The following SBNO1 variants were observed in gnomAD, a reference collection of about 807,000 sequenced individuals.
SBNO1 encodes the protein strawberry notch homolog 1.
Under a neutral mutation model 173.6 loss-of-function variants are expected in SBNO1, and 23 were observed. That is an observed-to-expected ratio of 0.13 (90% CI 0.10 to 0.19). The LOEUF is 0.19. Ranked by LOEUF, SBNO1 falls within the 10% of genes least tolerant of loss-of-function variation. SBNO1 has a pLI of 1.00. For missense variants in SBNO1, 1,238 were observed against 1,671.2 expected (o/e 0.74, Z 4.52); for synonymous variants, 632 against 571.5 (o/e 1.11, Z -1.51).
chr12:123,298,233 A>T, intron 30 of SBNO1, 62 bp from the exon 31 acceptor site: 2 of 1,456,006 alleles, frequency 1.4e-6, no homozygotes, highest in Non-Finnish European at 1.9e-6. Flanking sequence ...CACGTTTCTA[A>T]AAGATTTACA....
chr12:123,353,459 C>T (rs985753821), intron 1 of SBNO1, among the ~76,000 whole-genome samples: 9 of 151,852 alleles, frequency 5.9e-5, no homozygotes, highest in Admixed American at 1.3e-4. Context: ...TCAAAATAAA[C>T]GCCAGATTGA....
At chr12:123,312,714 A>G (rs1458063008) in intron 24 of SBNO1, among the ~76,000 whole-genome samples, 2 of 151,478 alleles carry the variant, frequency 1.3e-5, no homozygotes, top group African/African-American at 2.4e-5. Flanking sequence ...CCGTCTCGAA[A>G]AAAAAAAAAA....
At chr12:123,345,184 G>A (rs1348663005) in intron 4 of SBNO1, 74 bp downstream of exon 4, 1 of 1,289,444 alleles carries the variant, frequency 7.8e-7, no homozygotes, top group African/African-American at 1.5e-5. Context: ...AAAAACCCAA[G>A]CAAATCGTTT....
At chr12:123,314,628 C>G (rs1048881143) in intron 23 of SBNO1, among the ~76,000 whole-genome samples, 1 of 151,562 alleles carries the variant, frequency 6.6e-6, no homozygotes, top group Non-Finnish European at 1.5e-5. Context: ...TGCCCAGCCA[C>G]GCCCAACTAA....
At position 123,295,932 on chromosome 12, in the gene SBNO1, GCT is replaced by G; in HGVS notation, c.4156_4157del (p.Ser1386HisfsTer23). On this transcript the variant is annotated frameshift_variant, in exon 32 of 32. Coordinates refer to ENST00000602398, the MANE Select transcript of SBNO1 (RefSeq NM_001167856.3). LOFTEE classifies it high-confidence loss of function. ...KQLWQQHHPQ[S>X]ITNLSNA ...TTCATGCGTTGCTCAAGTTGGTGAT[GCT>G]CTGAGGGTGATGCTGTTGCCATAGC... 1.2e-6 allele frequency: 2 copies of G among 1,612,432 alleles called. No individual in the cohort carries two copies. Among genetic ancestry groups the G allele is most frequent in the South Asian group, 2.2e-5 (2 of 91,040 alleles).
chr12:123,336,793 G>T (rs184239175), intron 5 of SBNO1, among the ~76,000 whole-genome samples: 269 of 152,188 alleles, frequency 1.8e-3, no homozygotes, highest in African/African-American at 6.1e-3. Flanking sequence ...ACCCCTCCTT[G>T]ATGCCCAGAA....
At position 123,293,547 on chromosome 12, in the gene SBNO1, C is replaced by A. The variant is rs1000846416; in HGVS notation, c.*2361G>T. ...GCCTGGGCATGCAGCACCCCAGCTC[C>A]CATCCATTCACACTGGTTGCCTTTG... On this transcript the variant is annotated 3_prime_UTR_variant, in exon 32 of 32. Coordinates refer to ENST00000602398, the MANE Select transcript of SBNO1 (RefSeq NM_001167856.3). The A allele has an allele frequency of 1.3e-5, 2 of 152,096 alleles. No homozygotes were observed. The highest frequency in any genetic ancestry group is 4.8e-5 in the African/African-American group (2 of 41,400). The allele number at this position is 152,096 out of a possible 1,614,324, so 9.4% of individuals were successfully genotyped here. A position where few individuals can be genotyped will look rare whatever the true frequency, so the allele number is the denominator to read the frequency against.
intron 9 of SBNO1, 36 bp from the exon 10 acceptor site, chr12:123,328,931 A>G: frequency 7.7e-7 from 1 of 1,290,646 alleles, no homozygotes. Flanking sequence ...GTTAATTAGT[A>G]TACCTTTCTC....
chr12:123,338,609 C>T (rs896416997), intron 5 of SBNO1, among the ~76,000 whole-genome samples: 9 of 152,128 alleles, frequency 5.9e-5, no homozygotes, highest in African/African-American at 1.7e-4. Context: ...TGCTTGAGCC[C>T]GGGAAGGGGA....
intron 20 of SBNO1, 56 bp downstream of exon 20, chr12:123,319,844 A>C: frequency 4.0e-6 from 6 of 1,504,652 alleles, no homozygotes; most frequent in Non-Finnish European, 5.5e-6. Context: ...TCTAAAGCTT[A>C]ATCTAAATAT....
chr12:123,313,252 A>T (rs577650204), intron 24 of SBNO1, among the ~76,000 whole-genome samples: 40 of 143,936 alleles, frequency 2.8e-4, no homozygotes, highest in South Asian at 1.3e-3. Flanking sequence ...AAATAAATAA[A>T]TAATTTTTAA....
Position 123,350,411 on chromosome 12 carries a change from C to T in SBNO1, c.31G>A (p.Ala11Thr), listed in dbSNP as rs1873737851. 3 of 1,614,070 alleles carry T rather than the reference C, an allele frequency of 1.9e-6. No homozygotes were observed. The highest frequency in any genetic ancestry group is 2.2e-5 in the East Asian group (1 of 44,880). MVEPGQDLLL[A>T]ALSESGISPN... ...CTAATTCCACTCTCACTCAAAGCAG[C>T]AAGCAGTAAATCTTGCCCTGGCTCC... Residue 11 changes from alanine (A) to threonine (T), a missense_variant, in exon 2 of 32, where the codon GCT (alanine) becomes ACT (threonine). By Grantham distance (58) the Ala-to-Thr change is moderately conservative. Around this residue, in one of 14 missense-constraint regions of SBNO1, gnomAD observed 287 missense variants for 274.1 expected, o/e 1.05. Coordinates refer to ENST00000602398, the MANE Select transcript of SBNO1 (RefSeq NM_001167856.3).
At chr12:123,327,267 T>C (rs918311272) in intron 13 of SBNO1, among the ~76,000 whole-genome samples, 159 bp downstream of exon 13, 6 of 152,102 alleles carry the variant, frequency 3.9e-5, no homozygotes, top group African/African-American at 1.4e-4. Flanking sequence ...CGCCTCAGCC[T>C]CCCAAAGTGC....
At position 123,291,224 on chromosome 12, in the gene SBNO1, T is replaced by A. The variant is rs1307915410; in HGVS notation, c.*4684A>T. The A allele has an allele frequency of 1.3e-5, 2 of 152,186 alleles. No homozygotes were observed. The highest frequency in any genetic ancestry group is 2.9e-5 in the Non-Finnish European group (2 of 68,028). 9.4% of individuals were successfully genotyped at this position (152,186 alleles called of 1,614,324 possible). On this transcript the variant is annotated 3_prime_UTR_variant, in exon 32 of 32. Transcript: ENST00000602398. ...GACTTCTTAAATAAACATAGGGAAT[T>A]TGCTGCAGCAGCAGGCCAGAAACCA...
intron 7 of SBNO1, among the ~76,000 whole-genome samples, chr12:123,333,207 G>A (rs891056636): frequency 6.6e-6 from 1 of 152,126 alleles, no homozygotes; most frequent in Non-Finnish European, 1.5e-5. Flanking sequence ...ACAAAATATG[G>A]AGGATAAATG....
chr12:123,332,802 G>C (rs1188038278), intron 7 of SBNO1, among the ~76,000 whole-genome samples: 1 of 151,992 alleles, frequency 6.6e-6, no homozygotes, highest in Non-Finnish European at 1.5e-5. Flanking sequence ...CCTGACCTCA[G>C]GGTGACCCGC....
chr12:123,300,450 G>A (rs2048748889), intron 30 of SBNO1, among the ~76,000 whole-genome samples: 1 of 152,112 alleles, frequency 6.6e-6, no homozygotes, highest in Non-Finnish European at 1.5e-5. Flanking sequence ...GAGGTCAGGA[G>A]ATCAAGACCA....
rs1252134521 is a variant in SBNO1 at position 123,350,586 on chromosome 12, G to T, written c.1-145C>A. 3.8e-5 allele frequency: 26 copies of T among 685,488 alleles called. No homozygotes were observed. In the East Asian group the frequency reaches 6.5e-4, roughly 17 times the overall value. The allele number at this position is 685,488 out of a possible 1,614,324, so 42.5% of individuals were successfully genotyped here. On this transcript the variant is annotated intron_variant, in intron 1 of 31. Transcript: ENST00000602398. ...AACCTGCCATGTCTCAGACAAAGAGGATAAAAGAGAAATAGTCTTGGATCC... is the reference window on the plus strand; with the variant it reads ...AACCTGCCATGTCTCAGACAAAGAGTATAAAAGAGAAATAGTCTTGGATCC...
chr12:123,315,717 T>A, intron 21 of SBNO1, 57 bp from the exon 22 acceptor site: 1 of 943,508 alleles, frequency 1.1e-6, no homozygotes, highest in Non-Finnish European at 1.7e-6. Flanking sequence ...CAGAGAATAT[T>A]CTGAGATGTA....
Sources: gnomAD v4.1 joint callset for allele counts (sites outside exome capture counted in the v4.1 genomes callset) on GRCh38, gnomAD v4.1.1 for gene constraint, gnomAD v4.1.1 regional missense constraint, MANE v1.5 for transcripts, NCBI Gene and HGNC (gene_info 2026-07-23, HGNC 2026-07-21) for gene names.